The following RBMS3 variants were observed in gnomAD, a reference collection of about 807,000 sequenced individuals.
The protein encoded by RBMS3 is RNA binding motif single stranded interacting protein 3.
Under a neutral mutation model 66.8 loss-of-function variants are expected in RBMS3, and 27 were observed. The ratio of observed to expected loss-of-function variants is 0.40; its 90% CI spans 0.30 to 0.56. The LOEUF (loss-of-function observed/expected upper bound fraction) is 0.56. Ranked by LOEUF, RBMS3 falls within the 20% of genes least tolerant of loss-of-function variation. RBMS3 has a pLI of 0.40. For missense variants in RBMS3, 513 were observed against 549.5 expected (o/e 0.93, Z 0.66); for synonymous variants, 188 against 183.0 (o/e 1.03, Z -0.22).
chr3:29,755,201 T>C (rs1157166247), intron 5 of RBMS3, among the ~76,000 whole-genome samples: 4 of 152,228 alleles, frequency 2.6e-5, no homozygotes, highest in African/African-American at 9.6e-5. Context: ...AAATTCCTTC[T>C]AGAAACATTG....
chr3:29,973,061 C>T (rs1365458135), intron 12 of RBMS3, among the ~76,000 whole-genome samples: 1 of 152,032 alleles, frequency 6.6e-6, no homozygotes, highest in East Asian at 1.9e-4. Flanking sequence ...ATAGATCAGT[C>T]AGGCCAGTTA....
intron 4 of RBMS3, among the ~76,000 whole-genome samples, chr3:29,622,790 T>C (rs1428832325): frequency 6.6e-6 from 1 of 152,144 alleles, no homozygotes; most frequent in Non-Finnish European, 1.5e-5. Flanking sequence ...TTTATTTCCT[T>C]GTGCCTCAGT....
intron 1 of RBMS3, among the ~76,000 whole-genome samples, chr3:29,325,420 C>T (rs192451055): frequency 1.4e-4 from 21 of 151,668 alleles, no homozygotes; most frequent in Admixed American, 1.3e-3. Context: ...ATATATTATC[C>T]ATCCAAAAAG....
intron 4 of RBMS3, among the ~76,000 whole-genome samples, chr3:29,627,666 A>G (rs1428387364): frequency 1.3e-5 from 2 of 152,162 alleles, no homozygotes; most frequent in South Asian, 2.1e-4. Context: ...TTGCCTTTTA[A>G]TAATGTTTAC....
At position 29,872,057 on chromosome 3, in the gene RBMS3, C is replaced by A. The variant is rs13320665; in HGVS notation, c.744+3093C>A. ...AATTATTAACTAATCTTTCAAGAGA[C>A]AATTGGAACTCTGAATAAAATGATC... is the stretch of plus-strand genomic sequence containing the variant. On this transcript the variant is annotated intron_variant, in intron 7 of 14. Coordinates refer to ENST00000383767, the MANE Select transcript of RBMS3 (RefSeq NM_001003793.3). Among the ~76,000 whole-genome samples, 803 of 152,070 alleles carry A rather than the reference C, an allele frequency of 5.3e-3. 10 individuals carry two copies. Among genetic ancestry groups the A allele is most frequent in the African/African-American group, 0.018 (760 of 41,498 alleles).
chr3:29,319,571 G>A (rs1209149850), intron 1 of RBMS3, among the ~76,000 whole-genome samples: 1 of 151,860 alleles, frequency 6.6e-6, no homozygotes, highest in East Asian at 1.9e-4. Context: ...TCATTTACAC[G>A]GTACCTCATT....
At chr3:29,732,961 T>A (rs1428198025) in intron 4 of RBMS3, among the ~76,000 whole-genome samples, 1 of 151,990 alleles carries the variant, frequency 6.6e-6, no homozygotes, top group Non-Finnish European at 1.5e-5. Flanking sequence ...ACTTAAAATA[T>A]AGGACCCAGT....
chr3:29,802,820 G>A (rs1027485541), intron 6 of RBMS3, among the ~76,000 whole-genome samples: 3 of 152,072 alleles, frequency 2.0e-5, no homozygotes, highest in East Asian at 1.9e-4. Context: ...ACTAGCATCC[G>A]GTGTAGTTGT....
rs145555711 is a variant in RBMS3 at position 29,932,069 on chromosome 3, A to C, written c.940-4017A>C. 2.4e-4 allele frequency among the ~76,000 whole-genome samples: 37 copies of C among 152,258 alleles called. 1 individual carries two copies. The East Asian group carries it at 3.7e-3, about 15-fold the overall frequency. On this transcript the variant is annotated intron_variant, in intron 10 of 14. Coordinates refer to ENST00000383767, the MANE Select transcript of RBMS3 (RefSeq NM_001003793.3). ...TGTTTTTCCATTTCTATGAGTTCAAATGCAAGGCTACTAAGATTCCAAATA... is the reference window on the plus strand; with the variant it reads ...TGTTTTTCCATTTCTATGAGTTCAACTGCAAGGCTACTAAGATTCCAAATA...
chr3:29,778,259 G>T (rs968615597), intron 6 of RBMS3, among the ~76,000 whole-genome samples: 1 of 151,728 alleles, frequency 6.6e-6, no homozygotes. Context: ...AACATTTCCT[G>T]CTTTCTGCAT....
chr3:29,860,653 C>A (rs1292334639), intron 6 of RBMS3, among the ~76,000 whole-genome samples: 1 of 152,080 alleles, frequency 6.6e-6, no homozygotes. Context: ...GACCACTTTG[C>A]CAGGAGCAAA....
intron 10 of RBMS3, among the ~76,000 whole-genome samples, chr3:29,904,235 T>C (rs2060322219): frequency 1.3e-5 from 2 of 152,008 alleles, no homozygotes; most frequent in African/African-American, 2.4e-5. Context: ...AAGAAGTGTA[T>C]AGAGTATAAA....
intron 6 of RBMS3, among the ~76,000 whole-genome samples, chr3:29,802,626 G>T (rs1335103281): frequency 1.3e-5 from 2 of 152,080 alleles, no homozygotes; most frequent in African/African-American, 4.8e-5. Context: ...TAGCTTATAT[G>T]CCCACTCAAT....
At chr3:29,282,790 A>G (rs2031925266) in intron 1 of RBMS3, among the ~76,000 whole-genome samples, 1 of 152,154 alleles carries the variant, frequency 6.6e-6, no homozygotes, top group African/African-American at 2.4e-5. Flanking sequence ...TGCTGTCACC[A>G]GGACTCGGTG....
intron 4 of RBMS3, among the ~76,000 whole-genome samples, chr3:29,590,805 ACAG>A (rs2047707788): frequency 6.6e-6 from 1 of 152,104 alleles, no homozygotes; most frequent in East Asian, 1.9e-4. Context: ...CCATAGATAG[ACAG>A]CAGAGGCCAA....
At chr3:29,966,921 A>C (rs1211756988) in intron 12 of RBMS3, among the ~76,000 whole-genome samples, 1 of 152,116 alleles carries the variant, frequency 6.6e-6, no homozygotes, top group African/African-American at 2.4e-5. Context: ...GATTTTGTCA[A>C]ATGCTTTTTC....
intron 4 of RBMS3, among the ~76,000 whole-genome samples, chr3:29,643,432 T>C (rs1478464812): frequency 6.6e-6 from 1 of 152,126 alleles, no homozygotes; most frequent in Non-Finnish European, 1.5e-5. Context: ...TCAGGATTTT[T>C]CATTTTGTTC....
intron 1 of RBMS3, among the ~76,000 whole-genome samples, chr3:29,360,975 C>T (rs1221851209): frequency 6.6e-6 from 1 of 151,944 alleles, no homozygotes; most frequent in Non-Finnish European, 1.5e-5. Flanking sequence ...GAATACAGCA[C>T]ACTGATGGGT....
chr3:29,928,196 A>G (rs2060995306), intron 10 of RBMS3, among the ~76,000 whole-genome samples: 2 of 102,370 alleles, frequency 2.0e-5, no homozygotes, highest in Non-Finnish European at 4.3e-5. Flanking sequence ...ATATATATAT[A>G]TATATATATA....
Sources: gnomAD v4.1 joint callset for allele counts (sites outside exome capture counted in the v4.1 genomes callset) on GRCh38, gnomAD v4.1.1 for gene constraint, MANE v1.5 for transcripts, NCBI Gene and HGNC (gene_info 2026-07-23, HGNC 2026-07-21) for gene names.